UBASH3B: variants seen among roughly 807,000 people sequenced by gnomAD.
UBASH3B encodes the protein ubiquitin-associated and SH3 domain-containing protein B.
Under a neutral mutation model 83.4 loss-of-function variants are expected in UBASH3B, and 37 were observed. The ratio of observed to expected loss-of-function variants is 0.44; its 90% CI spans 0.34 to 0.58. The LOEUF (loss-of-function observed/expected upper bound fraction) is 0.58, where lower values mean the gene tolerates loss of function less well. UBASH3B is among the 20% of genes least tolerant of loss of function. The pLI is 0.01. For missense variants in UBASH3B, 657 were observed against 827.2 expected, an observed-to-expected ratio of 0.79 and a Z score of 2.52; for synonymous variants, 304 against 318.3, an observed-to-expected ratio of 0.96 and a Z score of 0.48.
intron 1 of UBASH3B, among the ~76,000 whole-genome samples, chr11:122,721,687 G>C (rs1409768169): frequency 2.0e-5 from 3 of 152,154 alleles, no homozygotes; most frequent in Non-Finnish European, 4.4e-5. Context: ...AGCTACATTT[G>C]TTACTTAGTG....
In UBASH3B at chr11:122,799,034, G is replaced by A. The variant is rs748502966; in HGVS notation, c.1450G>A (p.Gly484Ser). Residue 484 changes from glycine to serine, a missense_variant and splice_region_variant, in exon 10 of 14, where the codon GGT becomes AGT. Coordinates refer to ENST00000284273, the MANE Select transcript of UBASH3B (RefSeq NM_032873.5). ...CVQTAHNILK[G>S]LQQENHLKIR... ...TCAGACTGCACACAATATCTTGAAA[G>A]GTAAGACTTGCAGGTTGACAAAAAC... 2 of 1,613,606 alleles carry A rather than the reference G, an allele frequency of 1.2e-6. No homozygotes were observed. The highest frequency in any genetic ancestry group is 8.5e-7 in the Non-Finnish European group (1 of 1,179,696).
chr11:122,700,585 C>T (rs1227558011), intron 1 of UBASH3B, among the ~76,000 whole-genome samples: 4 of 151,008 alleles, frequency 2.6e-5, no homozygotes, highest in Admixed American at 6.6e-5. Context: ...CAACCTCCAC[C>T]TCCCGGGTTC....
intron 1 of UBASH3B, among the ~76,000 whole-genome samples, chr11:122,713,241 C>A (rs1459261728): frequency 6.6e-6 from 1 of 152,112 alleles, no homozygotes; most frequent in Non-Finnish European, 1.5e-5. Flanking sequence ...GGAGTTGAGG[C>A]TCACATGGGA....
rs201280817 is a variant in UBASH3B at position 122,779,425 on chromosome 11, G to A, written c.403-72G>A. ...CTCCTCCAGTCTCTGGGGAGAGGAT[G>A]CCAATGTTAAGTAGCAGCAGACTTC... On this transcript the variant is annotated intron_variant, in intron 3 of 13. Transcript: ENST00000284273. 29 of 1,545,310 alleles carry A rather than the reference G, an allele frequency of 1.9e-5. 1 individual carries two copies. The African/African-American group carries it at 3.7e-4, about 20-fold the overall frequency.
intron 4 of UBASH3B, chr11:122,782,818 G>A: frequency 2.1e-6 from 1 of 482,280 alleles, no homozygotes; most frequent in Non-Finnish European, 3.7e-6. Flanking sequence ...CTGACCCGCA[G>A]CTCCTAGAGG....
At position 122,806,145 on chromosome 11, in the gene UBASH3B, C is replaced by A. The variant is rs1224694954; in HGVS notation, c.1596-265C>A. ...TCCATCAATGGCTTATTTGTTATCC[C>A]GAGAGTGAAACATGCACTGAATGTC... is the stretch of plus-strand genomic sequence containing the variant. On this transcript the variant is annotated intron_variant, in intron 11 of 13. Transcript: ENST00000284273. This position sits in a 1 kb window ranked among gnomAD's most constrained non-coding sequence, Gnocchi z 4.0. 1.3e-5 allele frequency among the ~76,000 whole-genome samples: 2 copies of A among 152,140 alleles called. No individual in the cohort carries two copies. Among genetic ancestry groups the A allele is most frequent in the Non-Finnish European group, 2.9e-5 (2 of 68,022 alleles).
chr11:122,705,465 A>G (rs551636560), intron 1 of UBASH3B, among the ~76,000 whole-genome samples: 4 of 151,854 alleles, frequency 2.6e-5, no homozygotes, highest in South Asian at 4.2e-4. Context: ...AAAAAAAAAA[A>G]AAAAAAGAAA....
intron 1 of UBASH3B, among the ~76,000 whole-genome samples, chr11:122,725,342 A>AAAAAAAAAAAAAAAAAAAAAAG (rs71281633): frequency 1.4e-4 from 18 of 130,772 alleles, no homozygotes; most frequent in Non-Finnish European, 2.3e-4. Flanking sequence ...AAAAAAAAAA[A>AAAAAAAAAAAAAAAAAAAAAAG]AAGAAAAGAA....
chr11:122,798,660 G>A (rs189966992), intron 9 of UBASH3B, among the ~76,000 whole-genome samples: 2,818 of 144,758 alleles, frequency 0.019, 81 homozygotes, highest in African/African-American at 0.069. Flanking sequence ...GCAGTGAGCC[G>A]AGATCACACC....
rs139224750 is a variant in UBASH3B, at chr11:122,776,101, CCA to C, written c.162-115_162-114del. 3,756 of 873,336 alleles carry C rather than the reference CCA, an allele frequency of 4.3e-3. 115 individuals are homozygous for C. The African/African-American group carries it at 0.058, about 14-fold the overall frequency. 54.1% of individuals were successfully genotyped at this position (873,336 alleles called of 1,614,324 possible). A position where few individuals can be genotyped will look rare whatever the true frequency, so the allele number is the denominator to read the frequency against. On this transcript the variant is annotated intron_variant, in intron 1 of 13. Transcript: ENST00000284273. ...ACCTGCTGCAGGTGTCTACTCCCCACCACAGAGGATTGAGTGGAACACAGGCT... is the reference window on the plus strand; with the variant it reads ...ACCTGCTGCAGGTGTCTACTCCCCACCAGAGGATTGAGTGGAACACAGGCT...
chr11:122,671,404 G>A (rs536033168), intron 1 of UBASH3B, among the ~76,000 whole-genome samples: 3 of 152,304 alleles, frequency 2.0e-5, no homozygotes, highest in Admixed American at 2.0e-4. Flanking sequence ...GTGTGCACCT[G>A]GTCTTGAAGA....
chr11:122,665,553 T>C (rs1017385295), intron 1 of UBASH3B, among the ~76,000 whole-genome samples: 1 of 152,232 alleles, frequency 6.6e-6, no homozygotes, highest in Non-Finnish European at 1.5e-5. Context: ...TGTGCTTCTC[T>C]GTTCCAGAGC....
chr11:122,722,775 G>A lies in UBASH3B; in HGVS notation c.162-53444G>A, dbSNP rs537161146. Among the ~76,000 whole-genome samples, 27 of 150,916 alleles carry A rather than the reference G, an allele frequency of 1.8e-4. No individual in the cohort carries two copies. The South Asian group carries it at 4.0e-3, about 22-fold the overall frequency. On this transcript the variant is annotated intron_variant, in intron 1 of 13. Transcript: ENST00000284273. ...GGCTGGAGTGCAGTGGCATGATCTC[G>A]GCTCACTGCAAGCTCTGCCTCCCAG... is the stretch of plus-strand genomic sequence containing the variant.
chr11:122,802,876 A>G (rs1861281377), intron 11 of UBASH3B, among the ~76,000 whole-genome samples: 1 of 152,232 alleles, frequency 6.6e-6, no homozygotes, highest in African/African-American at 2.4e-5. Flanking sequence ...TGCCACCAAC[A>G]TTGGTTAAGT....
At chr11:122,666,450 G>A (rs1384081313) in intron 1 of UBASH3B, among the ~76,000 whole-genome samples, 3 of 151,336 alleles carry the variant, frequency 2.0e-5, no homozygotes, top group South Asian at 2.1e-4. Flanking sequence ...ACGGAGTCTC[G>A]CCCTGTCACC....
intron 1 of UBASH3B, among the ~76,000 whole-genome samples, chr11:122,681,944 A>G (rs1030916870): frequency 2.6e-5 from 4 of 152,100 alleles, no homozygotes; most frequent in Non-Finnish European, 4.4e-5. Flanking sequence ...TTGTGTGCTG[A>G]GTGTGGCAGC....
At chr11:122,676,589 C>T (rs1565525530) in intron 1 of UBASH3B, among the ~76,000 whole-genome samples, 1 of 151,798 alleles carries the variant, frequency 6.6e-6, no homozygotes. Flanking sequence ...GGCACAGGCC[C>T]GTAGTCTCAG....
intron 1 of UBASH3B, among the ~76,000 whole-genome samples, chr11:122,687,506 C>A (rs141921593): frequency 9.2e-5 from 14 of 152,186 alleles, no homozygotes; most frequent in African/African-American, 3.4e-4. Flanking sequence ...AGATGGAGAG[C>A]AGGTGTGTTG....
At position 122,794,743 on chromosome 11, in the gene UBASH3B, C is replaced by G. The variant is rs76335003; in HGVS notation, c.1022C>G (p.Thr341Arg). ...ILNTSSSNSL[T>R]FGDGVLERRP... ...AATACATCGTCATCCAACTCTCTCA[C>G]GTTTGGGGATGGAGTATTGGAGAGG... is the stretch of plus-strand genomic sequence containing the variant. Residue 341 changes from threonine (T) to arginine (R), a missense_variant, in exon 7 of 14, where the codon ACG becomes AGG. This residue lies in a region of UBASH3B where 573 missense variants were observed against 739.0 expected (regional missense o/e 0.78). Coordinates refer to ENST00000284273, the MANE Select transcript of UBASH3B (RefSeq NM_032873.5). The G allele has an allele frequency of 3.1e-6, 5 of 1,614,024 alleles. No homozygotes were observed. The highest frequency in any genetic ancestry group is 1.3e-5 in the African/African-American group (1 of 74,896).
Sources: allele counts gnomAD v4.1 joint callset (sites outside exome capture counted in the v4.1 genomes callset), GRCh38; gene constraint gnomAD v4.1.1; regional missense constraint gnomAD v4.1.1; non-coding constraint Gnocchi (gnomAD v3.1); transcripts MANE v1.5; gene names NCBI Gene and HGNC (gene_info 2026-07-23, HGNC 2026-07-21).